MAD1L1: variants seen among roughly 807,000 people sequenced by gnomAD.
MAD1L1 encodes the protein mitotic arrest deficient 1 like 1.
MAD1L1 carries 95 observed loss-of-function variants against 96.9 expected under a neutral mutation model. That is an observed-to-expected ratio of 0.98 (90% CI 0.83 to 1.16). MAD1L1 has a LOEUF of 1.16. Among genes scored for constraint, MAD1L1 ranks in the 50% most tolerant of loss-of-function variants. MAD1L1 has a pLI of 0.00. For synonymous variants in MAD1L1, 473 were observed against 396.6 expected, an observed-to-expected ratio of 1.19 and a Z score of -2.29; for missense variants, 1,007 against 954.4, an observed-to-expected ratio of 1.06 and a Z score of -0.73.
chr7:1,883,186 G>C (rs557856878), intron 18 of MAD1L1, among the ~76,000 whole-genome samples: 2 of 150,876 alleles, frequency 1.3e-5, no homozygotes, highest in Admixed American at 6.6e-5. Context: ...TGTCACAAAC[G>C]ACTCCAGGAA....
chr7:2,153,676 A>G (rs968742762), intron 10 of MAD1L1, among the ~76,000 whole-genome samples: 1 of 152,236 alleles, frequency 6.6e-6, no homozygotes, highest in Non-Finnish European at 1.5e-5. Context: ...ACACCACCAC[A>G]TGATCCAGCA....
chr7:1,874,176 C>A (rs1049733526), intron 18 of MAD1L1, among the ~76,000 whole-genome samples: 2 of 152,134 alleles, frequency 1.3e-5, no homozygotes, highest in African/African-American at 2.4e-5. Context: ...CAGTGGCTGG[C>A]GCCAGAGGTC....
At chr7:1,842,746 C>T (rs980992353) in intron 18 of MAD1L1, among the ~76,000 whole-genome samples, 3 of 152,216 alleles carry the variant, frequency 2.0e-5, no homozygotes, top group Non-Finnish European at 4.4e-5. Flanking sequence ...GCAAGGCAGC[C>T]GAGGCCCAGG....
At chr7:1,862,157 G>A (rs1367456580) in intron 18 of MAD1L1, among the ~76,000 whole-genome samples, 2 of 152,166 alleles carry the variant, frequency 1.3e-5, no homozygotes, top group South Asian at 2.1e-4. Context: ...CCCCAAGAGC[G>A]GCACCCCGCA....
intron 12 of MAD1L1, among the ~76,000 whole-genome samples, chr7:2,053,554 C>T (rs547037357): frequency 5.3e-5 from 8 of 152,352 alleles, no homozygotes; most frequent in African/African-American, 1.9e-4. Context: ...GGCCCCAAGG[C>T]CCTGGCGGGC....
At chr7:1,999,023 C>T (rs934792406) in intron 14 of MAD1L1, among the ~76,000 whole-genome samples, 4 of 151,940 alleles carry the variant, frequency 2.6e-5, no homozygotes, top group Admixed American at 2.6e-4. Flanking sequence ...CCTAACCCCA[C>T]ACACTGCTGG....
intron 12 of MAD1L1, among the ~76,000 whole-genome samples, chr7:2,031,532 G>A (rs1037271126): frequency 5.3e-5 from 8 of 152,318 alleles, no homozygotes; most frequent in South Asian, 2.1e-4. Flanking sequence ...ATTTGTGTTC[G>A]CTGTATAAAT....
Position 1,906,007 on chromosome 7 carries a change from G to A in MAD1L1, c.1808-7617C>T, listed in dbSNP as rs183185354. On this transcript the variant is annotated intron_variant, in intron 17 of 18. Transcript: ENST00000265854. ...AGAGGCTGCAGTGAGCCGAGATTGC[G>A]CCACTGCACTCCACGCTGGGTGACA... Among the ~76,000 whole-genome samples, 354 of 142,682 alleles carry A rather than the reference G, an allele frequency of 2.5e-3. 2 individuals are homozygous for A. The highest frequency in any genetic ancestry group is 8.7e-3 in the African/African-American group (327 of 37,514). 93.6% of individuals were successfully genotyped at this position (142,682 alleles called of 152,430 possible). A position where few individuals can be genotyped will look rare whatever the true frequency, so the allele number is the denominator to read the frequency against.
intron 17 of MAD1L1, among the ~76,000 whole-genome samples, chr7:1,935,407 G>C (rs1369361321): frequency 2.0e-5 from 3 of 152,138 alleles, no homozygotes; most frequent in Non-Finnish European, 4.4e-5. Flanking sequence ...CCCCCTTCTG[G>C]CTTTTGTCCT....
At chr7:1,860,603 C>T (rs1364278822) in intron 18 of MAD1L1, among the ~76,000 whole-genome samples, 3 of 152,174 alleles carry the variant, frequency 2.0e-5, no homozygotes, top group African/African-American at 4.8e-5. Context: ...GTCTGGAAAA[C>T]GAAGCTGCCC....
At chr7:1,975,472 G>A (rs1457977377) in intron 15 of MAD1L1, among the ~76,000 whole-genome samples, 1 of 152,140 alleles carries the variant, frequency 6.6e-6, no homozygotes, top group Non-Finnish European at 1.5e-5. Flanking sequence ...ACTCTCCCTG[G>A]CGGCCTGGGC....
At chr7:1,966,258 G>C (rs1780161884) in intron 15 of MAD1L1, among the ~76,000 whole-genome samples, 1 of 152,180 alleles carries the variant, frequency 6.6e-6, no homozygotes, top group South Asian at 2.1e-4. Context: ...ATTTCTCACA[G>C]GACTTAAACA....
intron 12 of MAD1L1, among the ~76,000 whole-genome samples, chr7:2,048,736 G>A (rs981690862): frequency 4.6e-5 from 7 of 152,162 alleles, no homozygotes; most frequent in Admixed American, 1.3e-4. Context: ...AGCTGTGATG[G>A]GAGCCTCCCG....
chr7:2,043,394 G>A (rs558097283), intron 12 of MAD1L1, among the ~76,000 whole-genome samples: 7 of 152,340 alleles, frequency 4.6e-5, no homozygotes, highest in Non-Finnish European at 1.0e-4. Context: ...ACACAAGGAC[G>A]TGAAAGCAAG....
At chr7:2,128,278 C>T (rs1380779767) in intron 11 of MAD1L1, among the ~76,000 whole-genome samples, 1 of 152,188 alleles carries the variant, frequency 6.6e-6, no homozygotes, top group African/African-American at 2.4e-5. Context: ...AGCTCAGCCA[C>T]CTCTCATCTC....
intron 11 of MAD1L1, among the ~76,000 whole-genome samples, chr7:2,082,022 GA>G (rs1256267293): frequency 6.6e-6 from 1 of 152,216 alleles, no homozygotes; most frequent in Non-Finnish European, 1.5e-5. Context: ...TAGAGACTCT[GA>G]AGTCTGGCCA....
At chr7:2,205,584 C>T (rs10246320) in intron 10 of MAD1L1, among the ~76,000 whole-genome samples, 2,142 of 152,266 alleles carry the variant, frequency 0.014, 54 homozygotes, top group African/African-American at 0.048. Flanking sequence ...AAAACACCCT[C>T]AAGCCCTCGC....
chr7:1,892,262 G>A (rs983628164), intron 18 of MAD1L1, among the ~76,000 whole-genome samples: 5 of 152,166 alleles, frequency 3.3e-5, no homozygotes, highest in South Asian at 4.1e-4. Context: ...GAGGCTGCAC[G>A]GCCCAGGCTC....
intron 15 of MAD1L1, among the ~76,000 whole-genome samples, chr7:1,979,555 G>A (rs1218591772): frequency 6.6e-6 from 1 of 152,238 alleles, no homozygotes. Context: ...CATCTGCCTG[G>A]AAACCTCTTG....
Sources: gnomAD v4.1 joint callset for allele counts (sites outside exome capture counted in the v4.1 genomes callset) on GRCh38, gnomAD v4.1.1 for gene constraint, MANE v1.5 for transcripts, NCBI Gene and HGNC (gene_info 2026-07-23, HGNC 2026-07-21) for gene names.